Variants in ERC1 observed in about 807,000 individuals in gnomAD.
ERC1 encodes the protein RAB6 interacting protein 2.
A neutral mutation model predicts 132.0 loss-of-function variants in ERC1; 56 were observed. That is an observed-to-expected ratio of 0.42 (90% CI 0.34 to 0.53). The LOEUF (loss-of-function observed/expected upper bound fraction) is 0.53, where lower values mean the gene tolerates loss of function less well. Among genes scored for constraint, ERC1 ranks in the 20% least tolerant of loss-of-function variants. ERC1 has a pLI of 0.03. For synonymous variants in ERC1, 478 were observed against 476.1 expected, an observed-to-expected ratio of 1.00 and a Z score of -0.05; for missense variants, 1,202 against 1,349.9, an observed-to-expected ratio of 0.89 and a Z score of 1.72.
At chr12:1,327,138 G>T (rs905732582) in intron 15 of ERC1, among the ~76,000 whole-genome samples, 1 of 152,050 alleles carries the variant, frequency 6.6e-6, no homozygotes, top group African/African-American at 2.4e-5. Context: ...TAAATCTCAT[G>T]TCCTAATTTA....
At chr12:1,462,470 T>C (rs531638213) in intron 18 of ERC1, among the ~76,000 whole-genome samples, 2 of 152,322 alleles carry the variant, frequency 1.3e-5, no homozygotes, top group East Asian at 3.9e-4. Flanking sequence ...AATGATCATA[T>C]ATCATTAATG....
chr12:1,388,717 T>A (rs1056049589), intron 16 of ERC1, among the ~76,000 whole-genome samples: 7 of 152,184 alleles, frequency 4.6e-5, no homozygotes, highest in African/African-American at 1.7e-4. Context: ...AGTAAGAAGA[T>A]GGTAAGATTA....
chr12:1,416,893 T>TCCAA (rs2092145327), intron 17 of ERC1, among the ~76,000 whole-genome samples: 45 of 152,386 alleles, frequency 3.0e-4, no homozygotes, highest in African/African-American at 9.4e-4. Flanking sequence ...GGCTTTAACC[T>TCCAA]GAAGGCACAA....
At chr12:1,346,096 G>GA (rs1169833860) in intron 15 of ERC1, among the ~76,000 whole-genome samples, 1 of 152,146 alleles carries the variant, frequency 6.6e-6, no homozygotes, top group Admixed American at 6.5e-5. Context: ...GAAATGTGAG[G>GA]AGCTAGGACT....
In ERC1 at chr12:1,438,071, C is replaced by G. The variant is rs185561636; in HGVS notation, c.3025-6491C>G. On this transcript the variant is annotated intron_variant, in intron 17 of 18. Transcript: ENST00000360905. ...GTGACTAGTGGTCCCTGGACCTGAA[C>G]TCCTAGTGGTAACTGAATTATATGA... Among the ~76,000 whole-genome samples, 4 of 152,274 alleles carry G rather than the reference C, an allele frequency of 2.6e-5. No individual in the cohort carries two copies. The East Asian group carries it at 7.7e-4, about 29-fold the overall frequency.
chr12:1,341,033 A>G (rs902137834), intron 15 of ERC1, among the ~76,000 whole-genome samples: 11 of 88,686 alleles, frequency 1.2e-4, no homozygotes, highest in East Asian at 8.4e-4. Context: ...TAACATTTCT[A>G]TTTTTCCTTG....
intron 15 of ERC1, among the ~76,000 whole-genome samples, chr12:1,357,487 C>T (rs1353324247): frequency 2.6e-5 from 4 of 152,156 alleles, no homozygotes; most frequent in Admixed American, 6.5e-5. Flanking sequence ...TAAGCAGAAG[C>T]ATTCTGGAGT....
intron 7 of ERC1, among the ~76,000 whole-genome samples, chr12:1,131,071 G>C (rs988312451): frequency 6.6e-6 from 1 of 152,106 alleles, no homozygotes; most frequent in Non-Finnish European, 1.5e-5. Flanking sequence ...TTAAAATAAA[G>C]AATTCTTAAA....
intron 11 of ERC1, among the ~76,000 whole-genome samples, chr12:1,188,404 G>A (rs1955351087): frequency 2.0e-5 from 3 of 152,070 alleles, no homozygotes; most frequent in Non-Finnish European, 4.4e-5. Context: ...GCCCATGAAG[G>A]ATTGACTGCT....
intron 14 of ERC1, among the ~76,000 whole-genome samples, chr12:1,278,407 G>T (rs1440756482): frequency 6.6e-6 from 1 of 152,040 alleles, no homozygotes; most frequent in Non-Finnish European, 1.5e-5. Context: ...AATGACAGGA[G>T]GTTTAAAAAC....
intron 17 of ERC1, among the ~76,000 whole-genome samples, chr12:1,409,863 C>T (rs1202653393): frequency 6.6e-6 from 1 of 152,100 alleles, no homozygotes; most frequent in East Asian, 1.9e-4. Flanking sequence ...CACCTGCCAC[C>T]ATGCCTGGCT....
intron 16 of ERC1, among the ~76,000 whole-genome samples, chr12:1,393,079 C>G (rs1441944352): frequency 6.6e-6 from 1 of 152,136 alleles, no homozygotes; most frequent in Non-Finnish European, 1.5e-5. Context: ...CTAAAAATGC[C>G]TTTATATCCT....
In ERC1 at chr12:1,353,039, T is replaced by C. The variant is rs949958586; in HGVS notation, c.2781-18794T>C. 1.9e-3 allele frequency among the ~76,000 whole-genome samples: 282 copies of C among 150,174 alleles called. 1 individual carries two copies. The highest frequency in any genetic ancestry group is 6.4e-3 in the African/African-American group (264 of 41,088). ...TCTTCTTTTCTTTTCTTTTTTTTTTTTTTTTTTCTGAGATGGAGTCTCGCT... is the reference window on the plus strand; with the variant it reads ...TCTTCTTTTCTTTTCTTTTTTTTTTCTTTTTTTCTGAGATGGAGTCTCGCT... On this transcript the variant is annotated intron_variant, in intron 15 of 18. Coordinates refer to ENST00000360905, the MANE Select transcript of ERC1 (RefSeq NM_178040.4).
chr12:1,464,989 C>T (rs1424251923), intron 18 of ERC1, among the ~76,000 whole-genome samples: 1 of 151,926 alleles, frequency 6.6e-6, no homozygotes, highest in Non-Finnish European at 1.5e-5. Context: ...GCCCTAATTG[C>T]TTTTTTCCTT....
chr12:1,346,725 G>T (rs1291684700), intron 15 of ERC1, among the ~76,000 whole-genome samples: 2 of 151,928 alleles, frequency 1.3e-5, no homozygotes, highest in Admixed American at 6.6e-5. Context: ...GGTGGATCAT[G>T]AGGTCAGGAG....
chr12:1,112,118 G>A (rs1945946875), intron 5 of ERC1, 97 bp from the exon 6 acceptor site: 1 of 765,538 alleles, frequency 1.3e-6, no homozygotes, highest in African/African-American at 1.7e-5. Context: ...TATTATATAA[G>A]TTATTGTTAT....
chr12:1,117,884 C>G (rs1325311641), intron 7 of ERC1, among the ~76,000 whole-genome samples: 1 of 152,080 alleles, frequency 6.6e-6, no homozygotes, highest in Non-Finnish European at 1.5e-5. Flanking sequence ...ATGAAATCAT[C>G]TAGATAATGT....
At chr12:1,250,435 C>T (rs948264828) in intron 13 of ERC1, among the ~76,000 whole-genome samples, 1 of 152,170 alleles carries the variant, frequency 6.6e-6, no homozygotes. Flanking sequence ...TTTCCCTTCT[C>T]AGCTAGTTTA....
At chr12:1,004,678 T>G (rs1963190644) in intron 1 of ERC1, among the ~76,000 whole-genome samples, 1 of 152,106 alleles carries the variant, frequency 6.6e-6, no homozygotes, top group South Asian at 2.1e-4. Flanking sequence ...GTGCTGGGAT[T>G]ACAGGTGTGA....
Sources: allele counts gnomAD v4.1 joint callset (sites outside exome capture counted in the v4.1 genomes callset), GRCh38; gene constraint gnomAD v4.1.1; transcripts MANE v1.5; gene names NCBI Gene and HGNC (gene_info 2026-07-23, HGNC 2026-07-21).